Variants in SPTBN5 observed in about 807,000 individuals in gnomAD.
The protein encoded by SPTBN5 is spectrin beta chain, non-erythrocytic 5.
SPTBN5 carries 513 observed loss-of-function variants against 477.6 expected under a neutral mutation model. That is an observed-to-expected ratio of 1.07 (90% CI 1.00 to 1.16). The LOEUF is 1.16. Ranked by LOEUF, SPTBN5 falls within the 50% of genes most tolerant of loss-of-function variation. The pLI, the probability that SPTBN5 is intolerant of heterozygous loss-of-function variation, is 0.00. For missense variants in SPTBN5, 5,062 were observed against 4,731.8 expected (o/e 1.07, Z -2.05); for synonymous variants, 2,169 against 2,011.7 (o/e 1.08, Z -2.09).
chr15:41,850,900 G>C lies in SPTBN5; in HGVS notation c.10875C>G (p.Ser3625=), dbSNP rs556609313. The part of the protein sequence containing the change: ...SGAEILFAAP[S]EEQAESWWRA... ...GCCACCAGCTCTCAGCCTGCTCTTC[G>C]GACGGTGCTGCAAACAGGATCTCTG... The change falls in exon 66 of 68, where the codon TCC becomes TCG. Residue 3625 remains serine (S), a synonymous_variant. Transcript: ENST00000320955. 10 of 1,603,904 alleles carry C rather than the reference G, an allele frequency of 6.2e-6. No individual in the cohort carries two copies. The highest frequency in any genetic ancestry group is 8.5e-6 in the Non-Finnish European group (10 of 1,176,020).
At chr15:41,867,207 T>C (rs1746701595) in intron 35 of SPTBN5, 81 bp from the exon 36 acceptor site, 1 of 1,422,024 alleles carries the variant, frequency 7.0e-7, no homozygotes, top group Non-Finnish European at 9.2e-7. Flanking sequence ...AGTCCTTTCT[T>C]TGAGGGCCCC....
rs1304399258 is a variant in SPTBN5, at chr15:41,852,883, C to T, written c.10288G>A (p.Glu3430Lys). 2 of 1,608,924 alleles carry T rather than the reference C, an allele frequency of 1.2e-6. No homozygotes were observed. Among genetic ancestry groups the T allele is most frequent in the Non-Finnish European group, 8.5e-7 (1 of 1,177,378 alleles). ...CAGGCCAGCCAGGCCTCAGCCTGCT[C>T]CAGCCTCTGCCGAAGCTTCTGCAGG... ...WGLQKLRQRLEQAEAWLACWE... is the reference protein window; with the variant it reads ...WGLQKLRQRLKQAEAWLACWE... Residue 3430 changes from glutamate to lysine, a missense_variant, in exon 60 of 68, where the codon GAG becomes AAG. Transcript: ENST00000320955.
intron 3 of SPTBN5, 35 bp from the exon 4 acceptor site, chr15:41,890,240 C>A (rs2067269429): frequency 6.7e-7 from 1 of 1,499,202 alleles, no homozygotes; most frequent in African/African-American, 1.4e-5. Flanking sequence ...AGCCATGAAG[C>A]CCATGTCCAG....
At chr15:41,851,032 T>G in intron 65 of SPTBN5, 27 bp downstream of exon 65, 1 of 1,604,174 alleles carries the variant, frequency 6.2e-7, no homozygotes, top group Non-Finnish European at 8.5e-7. Flanking sequence ...CTGGGGGTGA[T>G]GCCGGAGTCC....
At chr15:41,855,921 G>C (rs2065918356) in intron 53 of SPTBN5, among the ~76,000 whole-genome samples, 176 bp from the exon 54 acceptor site, 1 of 152,254 alleles carries the variant, frequency 6.6e-6, no homozygotes, top group Non-Finnish European at 1.5e-5. Context: ...CAGAGCGGCA[G>C]TGTTTTGTAA....
intron 66 of SPTBN5, 120 bp from the exon 67 acceptor site, chr15:41,850,079 C>A: frequency 1.2e-6 from 1 of 833,058 alleles, no homozygotes; most frequent in Non-Finnish European, 2.0e-6. Flanking sequence ...CCTGGCTATG[C>A]CAGGCCCTTC....
At chr15:41,884,236 T>C (rs1443544760) in intron 7 of SPTBN5, among the ~76,000 whole-genome samples, 2 of 152,176 alleles carry the variant, frequency 1.3e-5, no homozygotes, top group Non-Finnish European at 2.9e-5. Context: ...TCTGCCCGCC[T>C]CAGCCTCCCA....
chr15:41,856,256 T>G lies in SPTBN5; in HGVS notation c.9021+130A>C, dbSNP rs1431960543. The G allele has an allele frequency of 2.5e-5, 21 of 852,494 alleles. 1 individual carries two copies. The highest frequency in any genetic ancestry group is 3.5e-5 in the Non-Finnish European group (20 of 575,836). The allele number at this position is 852,494 out of a possible 1,614,324, so 52.8% of individuals were successfully genotyped here. A position where few individuals can be genotyped will look rare whatever the true frequency, so the allele number is the denominator to read the frequency against. On this transcript the variant is annotated intron_variant, in intron 53 of 67. Coordinates refer to ENST00000320955, the MANE Select transcript of SPTBN5 (RefSeq NM_016642.4). ...CTGGGAAACATGTGGAAGGAAGCCC[T>G]TGGGGGCAGGAGACCACTGAGTGGA... is the stretch of plus-strand genomic sequence containing the variant.
rs758228392 is a variant in SPTBN5 at position 41,881,140 on chromosome 15, T to C, written c.2552A>G (p.Lys851Arg). Residue 851 changes from lysine to arginine, a missense_variant, in exon 13 of 68, where the codon AAG (lysine) becomes AGG (arginine). Physicochemically the swap from Lys to Arg is conservative, Grantham distance 26. Coordinates refer to ENST00000320955, the MANE Select transcript of SPTBN5 (RefSeq NM_016642.4). ...SCHPGPGDAW[K>R]MALPAEPDPD... Reference sequence around the variant, plus strand: ...GTCAGGCTCAGCTGGGAGGGCCATCTTCCAGGCATCCCCAGGGCCAGGGTG... The same window carrying C: ...GTCAGGCTCAGCTGGGAGGGCCATCCTCCAGGCATCCCCAGGGCCAGGGTG... The C allele has an allele frequency of 1.2e-6, 2 of 1,613,724 alleles. No homozygotes were observed. The highest frequency in any genetic ancestry group is 1.7e-6 in the Non-Finnish European group (2 of 1,179,854).
intron 36 of SPTBN5, 78 bp from the exon 37 acceptor site, chr15:41,866,571 T>C (rs778383663): frequency 1.3e-5 from 19 of 1,412,108 alleles, no homozygotes; most frequent in Non-Finnish European, 1.7e-5. Flanking sequence ...CCCCCAGCCA[T>C]TCCCAGGAGG....
Position 41,872,546 on chromosome 15 carries a change from C to G in SPTBN5, c.5008-87G>C, listed in dbSNP as rs1453701622. On this transcript the variant is annotated intron_variant, in intron 26 of 67. Transcript: ENST00000320955. ...TCCCCCACCCATCCAGTCACCAATC[C>G]TCATCCATTCACCCACCACTCACAC... 9 of 1,394,602 alleles carry G rather than the reference C, an allele frequency of 6.5e-6. No individual in the cohort carries two copies. In the South Asian group the frequency reaches 1.1e-4, roughly 17 times the overall value. 86.4% of individuals were successfully genotyped at this position (1,394,602 alleles called of 1,614,324 possible). A position where few individuals can be genotyped will look rare whatever the true frequency, so the allele number is the denominator to read the frequency against.
chr15:41,854,985 G>C lies in SPTBN5; in HGVS notation c.9424-9C>G. On this transcript the variant is annotated splice_polypyrimidine_tract_variant and intron_variant, in intron 55 of 67. Coordinates refer to ENST00000320955, the MANE Select transcript of SPTBN5 (RefSeq NM_016642.4). ...AACTTCTCTTCCAGCACCTGCAAAG[G>C]TATGAGGCCCAGCAGGGTCACTTGA... 6.5e-7 allele frequency: 1 copy of C among 1,532,386 alleles called. No individual in the cohort carries two copies. The highest frequency in any genetic ancestry group is 8.8e-7 in the Non-Finnish European group (1 of 1,139,482). 94.9% of individuals were successfully genotyped at this position (1,532,386 alleles called of 1,614,324 possible). A position where few individuals can be genotyped will look rare whatever the true frequency, so the allele number is the denominator to read the frequency against.
chr15:41,885,084 C>A (rs370616477), intron 7 of SPTBN5, among the ~76,000 whole-genome samples: 2 of 152,140 alleles, frequency 1.3e-5, no homozygotes, highest in Non-Finnish European at 2.9e-5. Flanking sequence ...AGTGCAATGG[C>A]GCCATCTCTG....
Position 41,875,477 on chromosome 15 carries a change from T to G in SPTBN5, c.4268A>C (p.Gln1423Pro), listed in dbSNP as rs757773628. The change falls in exon 22 of 68, where the codon CAA (glutamine) becomes CCA (proline). Residue 1423 changes from glutamine (Q) to proline (P), a missense_variant. By Grantham distance (76) the Gln-to-Pro change is moderately conservative. Transcript: ENST00000320955. ...DELQQAGQQE[Q>P]LLRQLQDAKE... ...GTGGACCTGCAGCTGCCTCAGGAGTTGCTCCTGCTGTCCAGCCTGCTGGAG... is the reference window on the plus strand; with the variant it reads ...GTGGACCTGCAGCTGCCTCAGGAGTGGCTCCTGCTGTCCAGCCTGCTGGAG... The G allele has an allele frequency of 8.7e-6, 14 of 1,612,446 alleles. No individual in the cohort carries two copies. Among genetic ancestry groups the G allele is most frequent in the African/African-American group, 2.7e-5 (2 of 74,930 alleles).
At chr15:41,887,153 A>G (rs1400490779) in intron 6 of SPTBN5, 60 bp downstream of exon 6, 2 of 1,473,794 alleles carry the variant, frequency 1.4e-6, no homozygotes, top group Non-Finnish European at 1.9e-6. Flanking sequence ...GGCAGGCTTC[A>G]CGCTTAGGCC....
In SPTBN5 at chr15:41,848,312, T is replaced by C; in HGVS notation, c.*304A>G. ...TCTACCTGTGCTCAGAGTCACCCCT[T>C]CCAAGCAAGGAGGAGGCCACATGGG... On this transcript the variant is annotated 3_prime_UTR_variant, in exon 68 of 68. Transcript: ENST00000320955. 1.9e-6 allele frequency: 1 copy of C among 533,810 alleles called. No individual in the cohort carries two copies. Among genetic ancestry groups the C allele is most frequent in the Non-Finnish European group, 3.4e-6 (1 of 295,204 alleles). The allele number at this position is 533,810 out of a possible 1,614,324, so 33.1% of individuals were successfully genotyped here.
In SPTBN5 at chr15:41,858,884, G is replaced by A. The variant is rs1223748154; in HGVS notation, c.8079+6C>T. 6.3e-7 allele frequency: 1 copy of A among 1,577,466 alleles called. No homozygotes were observed. Among genetic ancestry groups the A allele is most frequent in the Non-Finnish European group, 8.6e-7 (1 of 1,158,852 alleles). ...ATGACCGCCTCCCTCTCCAAGCGAG[G>A]CGAACCTCCTGGGAGTCCTGCAGGA... On this transcript the variant is annotated splice_donor_region_variant and intron_variant, in intron 48 of 67. Transcript: ENST00000320955.
intron 45 of SPTBN5, 115 bp downstream of exon 45, chr15:41,861,620 G>T: frequency 6.6e-7 from 1 of 1,505,778 alleles, no homozygotes. Flanking sequence ...CTGAGTGGTG[G>T]GGAAGTCCCT....
At position 41,871,953 on chromosome 15, in the gene SPTBN5, T is replaced by G. The variant is rs1595480953; in HGVS notation, c.5166-36A>C. On this transcript the variant is annotated intron_variant, in intron 27 of 67. Transcript: ENST00000320955. ...AGTCCGTGGTTCCCCAGAAGTGAGTTGCCCACCCCCCTGGGGGCCAGTCGG... is the reference window on the plus strand; with the variant it reads ...AGTCCGTGGTTCCCCAGAAGTGAGTGGCCCACCCCCCTGGGGGCCAGTCGG... 8 of 1,497,676 alleles carry G rather than the reference T, an allele frequency of 5.3e-6. No individual in the cohort carries two copies. In the East Asian group the frequency reaches 2.0e-4, roughly 37 times the overall value. The allele number at this position is 1,497,676 out of a possible 1,614,324, so 92.8% of individuals were successfully genotyped here.
Sources: gnomAD v4.1 joint callset for allele counts (sites outside exome capture counted in the v4.1 genomes callset) on GRCh38, gnomAD v4.1.1 for gene constraint, MANE v1.5 for transcripts, NCBI Gene and HGNC (gene_info 2026-07-23, HGNC 2026-07-21) for gene names.